Variants in KIF27 observed in about 807,000 individuals in gnomAD.
KIF27 encodes kinesin-like protein KIF27.
A neutral mutation model predicts 141.8 loss-of-function variants in KIF27; 84 were observed. That is an observed-to-expected ratio of 0.59 (90% CI 0.50 to 0.71). KIF27 has a LOEUF of 0.71. Ranked by LOEUF, KIF27 falls within the 30% of genes least tolerant of loss-of-function variation. KIF27 has a pLI of 0.00. For synonymous variants in KIF27, 471 were observed against 569.5 expected, an observed-to-expected ratio of 0.83 and a Z score of 2.46; for missense variants, 1,306 against 1,628.4, an observed-to-expected ratio of 0.80 and a Z score of 3.41.
intron 12 of KIF27, among the ~76,000 whole-genome samples, chr9:83,870,011 C>T (rs189854170): frequency 6.6e-6 from 1 of 152,118 alleles, no homozygotes; most frequent in East Asian, 1.9e-4. Flanking sequence ...CATGTGTATC[C>T]CTGAATCTAA....
In KIF27 at chr9:83,915,582, T is replaced by C. The variant is rs528345101; in HGVS notation, c.10A>G (p.Ile4Val). The C allele has an allele frequency of 6.2e-7, 1 of 1,600,274 alleles. No individual in the cohort carries two copies. The highest frequency in any genetic ancestry group is 8.5e-7 in the Non-Finnish European group (1 of 1,174,322). Residue 4 changes from isoleucine to valine, a missense_variant, in exon 2 of 18, where the codon ATA becomes GTA. Ile to Val is a conservative substitution (Grantham distance 29). This residue lies in a region of KIF27 where 533 missense variants were observed against 565.6 expected (regional missense o/e 0.94). Coordinates refer to ENST00000297814, the MANE Select transcript of KIF27 (RefSeq NM_017576.4). Reference protein sequence around the residue: MEEIPVKVAVRIRP... With the variant: MEEVPVKVAVRIRP... Reference sequence around the variant, plus strand: ...ATTCTTACAGCAACTTTTACTGGTATTTCTTCCATGGCAACTTAGATTTTA... The same window carrying C: ...ATTCTTACAGCAACTTTTACTGGTACTTCTTCCATGGCAACTTAGATTTTA...
chr9:83,895,774 T>C (rs149099781), intron 5 of KIF27, among the ~76,000 whole-genome samples: 210 of 152,158 alleles, frequency 1.4e-3, no homozygotes, highest in African/African-American at 4.8e-3. Flanking sequence ...AAAGCAAGTA[T>C]AGACCGGGCA....
At chr9:83,894,789 T>A (rs1295229420) in intron 5 of KIF27, among the ~76,000 whole-genome samples, 2 of 152,200 alleles carry the variant, frequency 1.3e-5, no homozygotes, top group African/African-American at 4.8e-5. Context: ...TTGCTCTGCA[T>A]CCTTTCACTG....
At chr9:83,877,051 T>A (rs1391422016) in intron 11 of KIF27, among the ~76,000 whole-genome samples, 1 of 152,162 alleles carries the variant, frequency 6.6e-6, no homozygotes, top group Non-Finnish European at 1.5e-5. Flanking sequence ...CACTTCAGCC[T>A]GGGTGACAGA....
intron 16 of KIF27, among the ~76,000 whole-genome samples, chr9:83,845,684 T>C (rs1947181915): frequency 2.0e-5 from 3 of 152,224 alleles, no homozygotes; most frequent in Admixed American, 1.3e-4. Flanking sequence ...GGCAGAACTT[T>C]GAACAGTGCA....
At chr9:83,888,726 G>T (rs1008283774) in intron 7 of KIF27, 134 bp from the exon 8 acceptor site, 3 of 467,914 alleles carry the variant, frequency 6.4e-6, no homozygotes, top group South Asian at 4.4e-5. Context: ...TACTAATATT[G>T]CTCAAAATAA....
chr9:83,862,025 TG>T (rs1949969867), intron 13 of KIF27, among the ~76,000 whole-genome samples: 1 of 152,192 alleles, frequency 6.6e-6, no homozygotes, highest in Non-Finnish European at 1.5e-5. Context: ...TTGATGGGGT[TG>T]TTTTTTTCTT....
chr9:83,844,731 G>A (rs1947034675), intron 16 of KIF27, among the ~76,000 whole-genome samples: 1 of 152,184 alleles, frequency 6.6e-6, no homozygotes, highest in Non-Finnish European at 1.5e-5. Context: ...CCTAAGTTCA[G>A]TGGACAAAGT....
At chr9:83,917,456 C>T (rs1955814047) in intron 1 of KIF27, among the ~76,000 whole-genome samples, 1 of 152,106 alleles carries the variant, frequency 6.6e-6, no homozygotes, top group African/African-American at 2.4e-5. Context: ...CAGAAATTGA[C>T]AAGCTGATCC....
chr9:83,914,477 T>C (rs1955502082), intron 2 of KIF27, among the ~76,000 whole-genome samples: 1 of 152,134 alleles, frequency 6.6e-6, no homozygotes, highest in Non-Finnish European at 1.5e-5. Flanking sequence ...AGTTTCTTTT[T>C]TAAAATTTTT....
chr9:83,839,586 G>GA (rs1946322943), intron 17 of KIF27, among the ~76,000 whole-genome samples: 1 of 152,156 alleles, frequency 6.6e-6, no homozygotes, highest in South Asian at 2.1e-4. Context: ...GTCAAAAGAT[G>GA]AATTTTTCTG....
chr9:83,907,227 T>C (rs1954647944), intron 3 of KIF27, among the ~76,000 whole-genome samples: 1 of 151,206 alleles, frequency 6.6e-6, no homozygotes, highest in Admixed American at 6.6e-5. Context: ...GAGGCGGAGC[T>C]TGCAGTGAGC....
chr9:83,845,344 G>A (rs1947126819), intron 16 of KIF27, among the ~76,000 whole-genome samples: 1 of 152,140 alleles, frequency 6.6e-6, no homozygotes, highest in Non-Finnish European at 1.5e-5. Context: ...GCTATAAAGT[G>A]GGTCGTGCAC....
At chr9:83,874,943 A>G (rs2132110731) in intron 11 of KIF27, among the ~76,000 whole-genome samples, 1 of 150,982 alleles carries the variant, frequency 6.6e-6, no homozygotes, top group South Asian at 2.1e-4. Flanking sequence ...CAAAAAAAAA[A>G]AAAAAAAAAA....
In KIF27 at chr9:83,915,607, A is replaced by T; in HGVS notation, c.-16T>A. 1 of 1,570,662 alleles carries T rather than the reference A, an allele frequency of 6.4e-7. No individual in the cohort carries two copies. Among genetic ancestry groups the T allele is most frequent in the Non-Finnish European group, 8.6e-7 (1 of 1,160,500 alleles). On this transcript the variant is annotated 5_prime_UTR_variant, in exon 2 of 18. Transcript: ENST00000297814. ...TTTCTTCCATGGCAACTTAGATTTT[A>T]CTAAATAGATTTTCTATTTAATGTT...
chr9:83,882,916 G>A (rs1242640243), intron 10 of KIF27, among the ~76,000 whole-genome samples: 1 of 152,030 alleles, frequency 6.6e-6, no homozygotes, highest in Admixed American at 6.6e-5. Context: ...AATTTTTAGT[G>A]GAAATATCCA....
In KIF27 at chr9:83,888,533, CTCAAT is replaced by C; in HGVS notation, c.2034_2038del (p.Leu679Ter). ...CTTTTGTGTTTCATCCTGAGTATCACTCAATTCAACAAGGGAACAAACAGAGTCTG... is the reference window on the plus strand; with the variant it reads ...CTTTTGTGTTTCATCCTGAGTATCACTCAACAAGGGAACAAACAGAGTCTG... On this transcript the variant is annotated frameshift_variant, in exon 8 of 18. Coordinates refer to ENST00000297814, the MANE Select transcript of KIF27 (RefSeq NM_017576.4). LOFTEE classifies it high-confidence loss of function. 6.2e-7 allele frequency: 1 copy of C among 1,600,940 alleles called. No homozygotes were observed. The highest frequency in any genetic ancestry group is 8.5e-7 in the Non-Finnish European group (1 of 1,172,742).
intron 17 of KIF27, among the ~76,000 whole-genome samples, chr9:83,841,747 A>C (rs1000875194): frequency 6.6e-6 from 1 of 152,198 alleles, no homozygotes; most frequent in Non-Finnish European, 1.5e-5. Context: ...GAATGCACTA[A>C]ATCTACATAT....
intron 17 of KIF27, among the ~76,000 whole-genome samples, chr9:83,839,165 T>C (rs1946273755): frequency 1.3e-5 from 2 of 148,868 alleles, no homozygotes; most frequent in South Asian, 4.3e-4. Context: ...ACCCCAACTC[T>C]AAAAAAAAAA....
Sources: allele counts gnomAD v4.1 joint callset (sites outside exome capture counted in the v4.1 genomes callset), GRCh38; gene constraint gnomAD v4.1.1; regional missense constraint gnomAD v4.1.1; transcripts MANE v1.5; gene names NCBI Gene and HGNC (gene_info 2026-07-23, HGNC 2026-07-21).